PTP4A1: variants seen among roughly 807,000 people sequenced by gnomAD.
PTP4A1 encodes protein tyrosine phosphatase 4A1.
A neutral mutation model predicts 20.5 loss-of-function variants in PTP4A1; 9 were observed. That is an observed-to-expected ratio of 0.44 (90% CI 0.26 to 0.77). The LOEUF is 0.77. Ranked by LOEUF, PTP4A1 falls within the 30% of genes least tolerant of loss-of-function variation. The probability of loss-of-function intolerance (pLI) is 0.19; values close to 1 mark genes in which losing one functional copy is unlikely to be tolerated. For synonymous variants in PTP4A1, 78 were observed against 67.4 expected, an observed-to-expected ratio of 1.16 and a Z score of -0.77; for missense variants, 137 against 218.8, an observed-to-expected ratio of 0.63 and a Z score of 2.36.
At chr6:63,560,059 A>T (rs1776868360) in intron 3 of PTP4A1, among the ~76,000 whole-genome samples, 2 of 152,350 alleles carry the variant, frequency 1.3e-5, no homozygotes, top group East Asian at 1.9e-4. Context: ...ATTTCATAAC[A>T]TATCTAACCA....
chr6:63,548,682 T>C, intron 2 of PTP4A1: 3 of 501,546 alleles, frequency 6.0e-6, no homozygotes, highest in South Asian at 5.5e-5. Context: ...ATTATTTTTA[T>C]GTACAGAAAA....
rs1778376834 is a variant in PTP4A1 at position 63,583,508 on chromosome 6, A to G, written c.*3334A>G. 6.6e-6 allele frequency: 1 copy of G among 152,242 alleles called. No homozygotes were observed. Among genetic ancestry groups the G allele is most frequent in the South Asian group, 2.1e-4 (1 of 4,834 alleles). 9.4% of individuals were successfully genotyped at this position (152,242 alleles called of 1,614,324 possible). A position where few individuals can be genotyped will look rare whatever the true frequency, so the allele number is the denominator to read the frequency against. On this transcript the variant is annotated 3_prime_UTR_variant, in exon 6 of 6. Transcript: ENST00000626021. ...TTAAACCAGTGATATGTGTTAACGT[A>G]TGAATGAAAGGATTGATGGTGATTT... is the stretch of plus-strand genomic sequence containing the variant.
At chr6:63,559,424 C>G (rs571188521) in intron 3 of PTP4A1, among the ~76,000 whole-genome samples, 1 of 151,962 alleles carries the variant, frequency 6.6e-6, no homozygotes, top group African/African-American at 2.4e-5. Flanking sequence ...ATGGCTTAAA[C>G]GCAGCAAAAA....
At chr6:63,547,758 C>A (rs532147388) in intron 2 of PTP4A1, among the ~76,000 whole-genome samples, 5 of 139,136 alleles carry the variant, frequency 3.6e-5, no homozygotes, top group African/African-American at 1.3e-4. Context: ...TGATCCACCC[C>A]CCTCGGCCTC....
rs1484738248 is a variant in PTP4A1, at chr6:63,583,079, T to G, written c.*2905T>G. ...AACATAAAAGATGGTGTCACCAGAT[T>G]TTGGTCACCAATGAGTACCCGACCC... On this transcript the variant is annotated 3_prime_UTR_variant, in exon 6 of 6. Transcript: ENST00000626021. 2 of 152,312 alleles carry G rather than the reference T, an allele frequency of 1.3e-5. No individual in the cohort carries two copies. Among genetic ancestry groups the G allele is most frequent in the Non-Finnish European group, 2.9e-5 (2 of 68,036 alleles). 9.4% of individuals were successfully genotyped at this position (152,312 alleles called of 1,614,324 possible).
chr6:63,520,690 G>GA (rs11443781), upstream of PTP4A1, among the ~76,000 whole-genome samples: 2,235 of 149,922 alleles, frequency 0.015, 46 homozygotes, highest in African/African-American at 0.052. Flanking sequence ...ATAGATATCT[G>GA]AAAAAAAAGA....
Position 63,523,188 on chromosome 6 carries a change from T to TAC in PTP4A1, c.-906+1364_-906+1365dup, listed in dbSNP as rs552457739. On this transcript the variant is annotated intron_variant, in intron 1 of 3. Transcript: ENST00000639568. The stretch of plus-strand genomic sequence containing the variant: ...GCCGAATCACTCTTTTATTTTTTTT[T>TAC]ACATCACTCTTACGAGTCATCAAAA... 1.2e-3 allele frequency among the ~76,000 whole-genome samples: 177 copies of TAC among 152,266 alleles called. 1 individual carries two copies. Among genetic ancestry groups the TAC allele is most frequent in the African/African-American group, 3.9e-3 (161 of 41,548 alleles).
chr6:63,579,922 C>T, intron 5 of PTP4A1, 135 bp from the exon 6 acceptor site: 1 of 666,810 alleles, frequency 1.5e-6, no homozygotes, highest in Non-Finnish European at 2.6e-6. Flanking sequence ...GTTCATATTC[C>T]TTTCTGCATC....
rs1460856789 is a variant in PTP4A1 at position 63,576,850 on chromosome 6, A to G, written c.-31A>G. ...ATTCAATTTTTTTAATTATTTCATA[A>G]CCCTATTGAGTGTTTTTTAACTAAA... On this transcript the variant is annotated 5_prime_UTR_variant, in exon 2 of 6. Coordinates refer to ENST00000626021, the MANE Select transcript of PTP4A1 (RefSeq NM_003463.5). The G allele has an allele frequency of 6.5e-7, 1 of 1,549,990 alleles. No individual in the cohort carries two copies. The highest frequency in any genetic ancestry group is 1.1e-5 in the South Asian group (1 of 87,448).
In PTP4A1 at chr6:63,576,873, AAATT is replaced by A. The variant is rs776764323; in HGVS notation, c.-5_-2del. On this transcript the variant is annotated 5_prime_UTR_variant, in exon 2 of 6. Coordinates refer to ENST00000626021, the MANE Select transcript of PTP4A1 (RefSeq NM_003463.5). ...TAACCCTATTGAGTGTTTTTTAACT[AAATT>A]AACATGGCTCGAATGAACCGCCCAG... 2 of 1,606,426 alleles carry A rather than the reference AAATT, an allele frequency of 1.2e-6. No homozygotes were observed. The highest frequency in any genetic ancestry group is 1.1e-5 in the South Asian group (1 of 89,598).
chr6:63,528,614 C>T (rs930681082), intron 2 of PTP4A1, among the ~76,000 whole-genome samples: 10 of 151,762 alleles, frequency 6.6e-5, no homozygotes, highest in African/African-American at 2.2e-4. Flanking sequence ...CCAGGCATGG[C>T]GGCATGCATG....
At chr6:63,567,727 C>T (rs1211558328), upstream of PTP4A1, among the ~76,000 whole-genome samples, 1 of 152,232 alleles carries the variant, frequency 6.6e-6, no homozygotes, top group East Asian at 1.9e-4. Context: ...GCATTGACTT[C>T]TATAGCTATG....
chr6:63,519,765 C>T (rs1399193771), upstream of PTP4A1, among the ~76,000 whole-genome samples: 1 of 152,210 alleles, frequency 6.6e-6, no homozygotes, highest in Non-Finnish European at 1.5e-5. Context: ...TAACTTCCTA[C>T]TATTACACTT....
intron 1 of PTP4A1, among the ~76,000 whole-genome samples, chr6:63,526,840 T>C (rs1019922042): frequency 4.1e-5 from 6 of 145,974 alleles, no homozygotes; most frequent in Non-Finnish European, 6.0e-5. Context: ...TATATATTTA[T>C]TTATTTATTC....
At chr6:63,516,745 C>T in the PTP4A1 span, among the ~76,000 whole-genome samples, 82 of 152,298 alleles carry the variant, frequency 5.4e-4, 1 homozygote, top group Admixed American at 2.6e-4. Flanking sequence ...GTGGCAATGG[C>T]ATGTGCTACT....
Position 63,560,354 on chromosome 6 carries a change from AAAAG to A in PTP4A1, c.-446+9873_-446+9876del, listed in dbSNP as rs1230114952. ...ACTCCGTCTCAAAAAAAAAAAAAAA[AAAAG>A]AAAGAAAGAAAAGAAGTGAAAAGTA... On this transcript the variant is annotated intron_variant, in intron 3 of 3. Transcript: ENST00000639568. Among the ~76,000 whole-genome samples, 14 of 149,842 alleles carry A rather than the reference AAAAG, an allele frequency of 9.3e-5. No individual in the cohort carries two copies. In the East Asian group the frequency reaches 1.9e-3, roughly 21 times the overall value.
intron 1 of PTP4A1, among the ~76,000 whole-genome samples, chr6:63,574,001 C>T (rs917512181): frequency 6.6e-6 from 1 of 152,124 alleles, no homozygotes; most frequent in East Asian, 1.9e-4. Context: ...GGTTTTTTAT[C>T]TTCTGTCCGC....
intron 1 of PTP4A1, among the ~76,000 whole-genome samples, chr6:63,526,912 T>C (rs1775214466): frequency 6.6e-6 from 1 of 150,450 alleles, no homozygotes; most frequent in Non-Finnish European, 1.5e-5. Context: ...GACCAAATGT[T>C]GGATTTATAT....
intron 2 of PTP4A1, among the ~76,000 whole-genome samples, chr6:63,536,347 G>A (rs542128294): frequency 2.6e-5 from 4 of 152,100 alleles, no homozygotes; most frequent in East Asian, 1.9e-4. Flanking sequence ...AAAGGAAAAG[G>A]AAAAAGAAAA....
Sources: allele counts gnomAD v4.1 joint callset (sites outside exome capture counted in the v4.1 genomes callset), GRCh38; gene constraint gnomAD v4.1.1; transcripts MANE v1.5; gene names NCBI Gene and HGNC (gene_info 2026-07-23, HGNC 2026-07-21).